GRK3: variants seen among roughly 807,000 people sequenced by gnomAD.
GRK3 encodes adrenergic, beta, receptor kinase 2.
GRK3 carries 54 observed loss-of-function variants against 95.7 expected under a neutral mutation model. The ratio of observed to expected loss-of-function variants is 0.56; its 90% CI spans 0.45 to 0.71. GRK3 has a LOEUF of 0.71. Ranked by LOEUF, GRK3 falls within the 30% of genes least tolerant of loss-of-function variation. The pLI is 0.00. For missense variants in GRK3, 649 were observed against 851.2 expected (o/e 0.76, Z 2.96); for synonymous variants, 281 against 290.8 (o/e 0.97, Z 0.34).
chr22:25,605,231 G>C (rs952479895), intron 2 of GRK3, among the ~76,000 whole-genome samples: 1 of 152,228 alleles, frequency 6.6e-6, no homozygotes, highest in Non-Finnish European at 1.5e-5. Flanking sequence ...TGGAGAAGCA[G>C]ATGACATTGG....
At position 25,709,975 on chromosome 22, in the gene GRK3, C is replaced by T. The variant is rs2085331009; in HGVS notation, c.1395+11C>T. The T allele has an allele frequency of 1.9e-6, 3 of 1,598,954 alleles. No individual in the cohort carries two copies. The highest frequency in any genetic ancestry group is 1.7e-5 in the Admixed American group (1 of 59,966). ...GTCTACTTACAAAAGGTACTCACTC[C>T]CTCTTGACTCTACTTACGGTACTGC... On this transcript the variant is annotated intron_variant, in intron 16 of 20. Coordinates refer to ENST00000324198, the MANE Select transcript of GRK3 (RefSeq NM_005160.4).
intron 1 of GRK3, among the ~76,000 whole-genome samples, chr22:25,586,881 C>T (rs1245183121): frequency 4.6e-5 from 7 of 151,452 alleles, no homozygotes; most frequent in African/African-American, 4.9e-5. Context: ...TTGGGCAAAG[C>T]GAGAGGCCCT....
chr22:25,653,844 A>C (rs537450570), intron 3 of GRK3, among the ~76,000 whole-genome samples: 1 of 152,170 alleles, frequency 6.6e-6, no homozygotes, highest in South Asian at 2.1e-4. Flanking sequence ...ACCCGCCACC[A>C]CGCTCAGCTA....
intron 13 of GRK3, among the ~76,000 whole-genome samples, chr22:25,701,933 TATAA>T (rs1160549197): frequency 6.6e-6 from 1 of 152,234 alleles, no homozygotes; most frequent in Non-Finnish European, 1.5e-5. Flanking sequence ...TTTTAAAAAT[TATAA>T]ATAACAGATA....
chr22:25,702,747 T>G, intron 13 of GRK3: 1 of 454,790 alleles, frequency 2.2e-6, no homozygotes, highest in Non-Finnish European at 4.4e-6. Flanking sequence ...GTACCTACCG[T>G]GTACTGCCAT....
chr22:25,697,366 C>G (rs2146447013), intron 13 of GRK3, among the ~76,000 whole-genome samples: 1 of 152,336 alleles, frequency 6.6e-6, no homozygotes, highest in Admixed American at 6.5e-5. Flanking sequence ...TGTAATTCAG[C>G]TTTGGCATAC....
chr22:25,606,906 T>C (rs2084453443), intron 2 of GRK3, among the ~76,000 whole-genome samples: 1 of 152,236 alleles, frequency 6.6e-6, no homozygotes, highest in African/African-American at 2.4e-5. Flanking sequence ...TAATAATAGT[T>C]CAGGTCCGTG....
rs1317150430 is a variant in GRK3 at position 25,728,112 on chromosome 22, T to C, written c.*5662T>C. ...TCCTTTTTATTTGTATAGTTTGTTA[T>C]TTAAAGAAATGGCAGTCCTTCCTGT... On this transcript the variant is annotated 3_prime_UTR_variant, in exon 21 of 21. Transcript: ENST00000324198. The C allele has an allele frequency of 6.6e-6, 1 of 152,244 alleles. No individual in the cohort carries two copies. Among genetic ancestry groups the C allele is most frequent in the African/African-American group, 2.4e-5 (1 of 41,460 alleles). 9.4% of individuals were successfully genotyped at this position (152,244 alleles called of 1,614,324 possible).
chr22:25,632,312 T>C (rs2084669619), intron 2 of GRK3, among the ~76,000 whole-genome samples: 1 of 152,238 alleles, frequency 6.6e-6, no homozygotes, highest in Admixed American at 6.5e-5. Context: ...TAATTTTTCA[T>C]GTGCTCAGTT....
intron 1 of GRK3, chr22:25,581,470 A>T (rs1473024742): frequency 6.6e-6 from 1 of 152,218 alleles, no homozygotes; most frequent in Non-Finnish European, 1.5e-5. Flanking sequence ...TGACGGGAGG[A>T]TGATGTGTTT....
chr22:25,656,024 G>C (rs1205612546), intron 3 of GRK3, among the ~76,000 whole-genome samples: 5 of 152,102 alleles, frequency 3.3e-5, no homozygotes, highest in Non-Finnish European at 7.4e-5. Flanking sequence ...GTGTAAACTT[G>C]GGAAAGCTTT....
chr22:25,632,431 C>T (rs1256998299), intron 2 of GRK3, among the ~76,000 whole-genome samples: 1 of 152,096 alleles, frequency 6.6e-6, no homozygotes, highest in Non-Finnish European at 1.5e-5. Context: ...ATTTTGGATA[C>T]AAGTCCTTTA....
chr22:25,654,474 A>G (rs550069135), intron 3 of GRK3, among the ~76,000 whole-genome samples: 2 of 152,382 alleles, frequency 1.3e-5, no homozygotes, highest in African/African-American at 4.8e-5. Flanking sequence ...AAGAAGGGTC[A>G]AATTATGATG....
chr22:25,710,597 T>TA (rs1168164407), intron 16 of GRK3, among the ~76,000 whole-genome samples: 1 of 152,238 alleles, frequency 6.6e-6, no homozygotes. Context: ...TTTTCTGTAG[T>TA]AAAGAAAGAC....
chr22:25,674,217 G>A (rs970038953), intron 7 of GRK3, among the ~76,000 whole-genome samples: 6 of 152,118 alleles, frequency 3.9e-5, no homozygotes, highest in African/African-American at 1.4e-4. Context: ...CCTCCATTTG[G>A]TGCCTCGTTT....
chr22:25,565,542 C>T (rs1023842040), intron 1 of GRK3, among the ~76,000 whole-genome samples: 55 of 152,102 alleles, frequency 3.6e-4, no homozygotes, highest in Non-Finnish European at 2.1e-4. Flanking sequence ...GGCTCCTTGC[C>T]TGTCACTGCT....
chr22:25,595,002 A>T (rs576500665), intron 1 of GRK3, among the ~76,000 whole-genome samples: 1 of 152,308 alleles, frequency 6.6e-6, no homozygotes, highest in South Asian at 2.1e-4. Context: ...AACAAACTAG[A>T]TATTGAAGGG....
chr22:25,722,020 T>A (rs1396096351), intron 20 of GRK3, among the ~76,000 whole-genome samples: 1 of 152,222 alleles, frequency 6.6e-6, no homozygotes. Flanking sequence ...TCAAAAGTAA[T>A]CTCTAAACAA....
At chr22:25,671,334 C>T (rs1157907409) in intron 6 of GRK3, among the ~76,000 whole-genome samples, 1 of 152,168 alleles carries the variant, frequency 6.6e-6, no homozygotes, top group African/African-American at 2.4e-5. Context: ...AGTGAGACTC[C>T]GTCTCAAAGC....
Sources: allele counts gnomAD v4.1 joint callset (sites outside exome capture counted in the v4.1 genomes callset), GRCh38; gene constraint gnomAD v4.1.1; transcripts MANE v1.5; gene names NCBI Gene and HGNC (gene_info 2026-07-23, HGNC 2026-07-21).